The following NFXL1 variants were observed in gnomAD, a reference collection of about 807,000 sequenced individuals.
NFXL1 encodes the protein NF-X1-type zinc finger protein NFXL1.
Under a neutral mutation model 123.3 loss-of-function variants are expected in NFXL1, and 66 were observed. The observed-to-expected ratio is 0.54, with a 90% CI of 0.44 to 0.66. The LOEUF (loss-of-function observed/expected upper bound fraction) is 0.66, where lower values mean the gene tolerates loss of function less well. Ranked by LOEUF, NFXL1 falls within the 30% of genes least tolerant of loss-of-function variation. NFXL1 has a pLI of 0.00. For missense variants in NFXL1, 944 were observed against 1,125.6 expected (o/e 0.84, Z 2.31); for synonymous variants, 346 against 360.8 (o/e 0.96, Z 0.46).
chr4:47,848,330 GT>G lies in NFXL1; in HGVS notation c.2568del (p.Glu856AspfsTer2). ...LEEEKRRQQAELEAFENRLKG... is the reference protein window; with the variant it reads ...LEEEKRRQQAXLEAFENRLKG... ...TTCAGTCTGTTTTCAAAAGCTTCTA[GT>G]TCAGCCTAAATAAAAACAGCATCAT... On this transcript the variant is annotated frameshift_variant, in exon 23 of 23. Transcript: ENST00000507489. LOFTEE classifies it high-confidence loss of function. 1 of 1,595,518 alleles carries G rather than the reference GT, an allele frequency of 6.3e-7. No homozygotes were observed. Among genetic ancestry groups the G allele is most frequent in the Non-Finnish European group, 8.5e-7 (1 of 1,170,514 alleles).
At chr4:47,895,605 A>C (rs1477954531) in intron 10 of NFXL1, among the ~76,000 whole-genome samples, 1 of 152,156 alleles carries the variant, frequency 6.6e-6, no homozygotes, top group African/African-American at 2.4e-5. Context: ...CACCTCTCTC[A>C]GCCTTCACAG....
chr4:47,911,557 GA>G (rs1279427854), intron 2 of NFXL1, among the ~76,000 whole-genome samples: 1 of 152,150 alleles, frequency 6.6e-6, no homozygotes, highest in Non-Finnish European at 1.5e-5. Flanking sequence ...CTTAGGTCAA[GA>G]ACTTTTTGCC....
At chr4:47,898,491 G>A (rs903725359) in intron 8 of NFXL1, among the ~76,000 whole-genome samples, 1 of 152,006 alleles carries the variant, frequency 6.6e-6, no homozygotes, top group Non-Finnish European at 1.5e-5. Context: ...AAGAGAAGAA[G>A]GGGACAAGAG....
intron 18 of NFXL1, among the ~76,000 whole-genome samples, chr4:47,874,008 C>G (rs1735592689): frequency 6.6e-6 from 1 of 152,216 alleles, no homozygotes; most frequent in Non-Finnish European, 1.5e-5. Flanking sequence ...TATGAACCAA[C>G]CTATGCTGCC....
chr4:47,871,332 CAG>C, intron 18 of NFXL1, among the ~76,000 whole-genome samples: 2 of 139,126 alleles, frequency 1.4e-5, no homozygotes, highest in East Asian at 4.1e-4. Context: ...GCCTGGGTGA[CAG>C]AGCGAGACTC....
intron 11 of NFXL1, among the ~76,000 whole-genome samples, chr4:47,891,114 C>CTTTTTTTTTTTTTT (rs374093120): frequency 1.1e-4 from 16 of 139,996 alleles, no homozygotes; most frequent in East Asian, 2.0e-4. Flanking sequence ...TTCTTTTTTT[C>CTTTTTTTTTTTTTT]TTTTTTTTTT....
In NFXL1 at chr4:47,885,639, A is replaced by G. The variant is rs747464292; in HGVS notation, c.1683T>C (p.His561=). ...AGCGATGTTTTTCTTGACTTGTATG[A>G]TGACAAGTTGGTGGTCGACTAAATC... ...KEQCSRPPTC[H]HTSQEKHRCH... is the part of the protein sequence containing the mutation. Residue 561 remains histidine (H), a synonymous_variant, in exon 14 of 23, where the codon CAT becomes CAC. Coordinates refer to ENST00000507489, the MANE Select transcript of NFXL1 (RefSeq NM_001278624.2). 2.5e-6 allele frequency: 4 copies of G among 1,613,114 alleles called. No individual in the cohort carries two copies. In the South Asian group the frequency reaches 4.4e-5, roughly 18 times the overall value.
chr4:47,880,795 C>T (rs535553394), intron 15 of NFXL1, among the ~76,000 whole-genome samples: 2 of 99,272 alleles, frequency 2.0e-5, no homozygotes, highest in East Asian at 5.6e-4. Context: ...AACAGTAAAC[C>T]TAATTAATGA....
Position 47,847,625 on chromosome 4 carries a change from CATTT to C in NFXL1, c.*534_*537del, listed in dbSNP as rs949810098. 1.4e-4 allele frequency: 22 copies of C among 152,722 alleles called. No homozygotes were observed. Among genetic ancestry groups the C allele is most frequent in the African/African-American group, 4.8e-4 (20 of 41,570 alleles). The allele number at this position is 152,722 out of a possible 1,614,324, so 9.5% of individuals were successfully genotyped here. On this transcript the variant is annotated 3_prime_UTR_variant, in exon 23 of 23. Transcript: ENST00000507489. ...ATATTCTGAAGAACACGCCCCATGA[CATTT>C]ATTGATAAAAATTCCTCACTAATAA...
chr4:47,863,108 C>A (rs1734855812), intron 18 of NFXL1, among the ~76,000 whole-genome samples, 193 bp from the exon 19 acceptor site: 1 of 152,182 alleles, frequency 6.6e-6, no homozygotes, highest in Non-Finnish European at 1.5e-5. Context: ...CCATCCAGCC[C>A]TTTACTACTA....
At chr4:47,850,392 C>G (rs527668064) in intron 22 of NFXL1, among the ~76,000 whole-genome samples, 1 of 152,054 alleles carries the variant, frequency 6.6e-6, no homozygotes, top group African/African-American at 2.4e-5. Flanking sequence ...AAGTTTCAAT[C>G]TCATCATTCA....
chr4:47,884,451 A>T lies in NFXL1; in HGVS notation c.1825-14T>A. On this transcript the variant is annotated splice_polypyrimidine_tract_variant and intron_variant, in intron 14 of 22. Transcript: ENST00000507489. Reference sequence around the variant, plus strand: ...TGTAGGCTGGTGCTACAAATAAAATACATAAGAATTTTAAGTCAGAGGGAT... The same window carrying T: ...TGTAGGCTGGTGCTACAAATAAAATTCATAAGAATTTTAAGTCAGAGGGAT... 6.6e-7 allele frequency: 1 copy of T among 1,519,846 alleles called. No homozygotes were observed. Among genetic ancestry groups the T allele is most frequent in the Non-Finnish European group, 9.0e-7 (1 of 1,105,186 alleles). 94.1% of individuals were successfully genotyped at this position (1,519,846 alleles called of 1,614,324 possible).
intron 8 of NFXL1, 24 bp from the exon 9 acceptor site, chr4:47,898,105 T>C (rs1737193859): frequency 7.1e-7 from 1 of 1,411,738 alleles, no homozygotes; most frequent in Middle Eastern, 1.8e-4. Context: ...CAATAAACAC[T>C]AATGAAGGAT....
intron 11 of NFXL1, 22 bp downstream of exon 11, chr4:47,894,158 T>G (rs971599765): frequency 1.9e-6 from 3 of 1,562,208 alleles, no homozygotes; most frequent in Non-Finnish European, 2.6e-6. Context: ...AAATCAGAGG[T>G]TTCCAAGGTT....
chr4:47,898,918 T>C, intron 7 of NFXL1, 41 bp downstream of exon 7: 1 of 1,612,720 alleles, frequency 6.2e-7, no homozygotes, highest in Non-Finnish European at 8.5e-7. Flanking sequence ...GCTTTGACTT[T>C]TGCTTAAAGT....
chr4:47,885,821 A>G (rs1560595184), intron 13 of NFXL1, 58 bp downstream of exon 13: 1 of 1,562,370 alleles, frequency 6.4e-7, no homozygotes, highest in Non-Finnish European at 8.7e-7. Context: ...TTAAAAGCCA[A>G]TATGAATTTA....
At chr4:47,884,280 A>G in intron 15 of NFXL1, 66 bp downstream of exon 15, 2 of 875,058 alleles carry the variant, frequency 2.3e-6, no homozygotes, top group South Asian at 1.5e-5. Flanking sequence ...GATTGACTTC[A>G]GATACCCTTT....
chr4:47,860,057 T>A (rs1315365746), intron 19 of NFXL1, among the ~76,000 whole-genome samples: 1 of 151,956 alleles, frequency 6.6e-6, no homozygotes, highest in Non-Finnish European at 1.5e-5. Flanking sequence ...ACTCAAAAGA[T>A]CTATTGTACA....
In NFXL1 at chr4:47,855,179, A is replaced by C; in HGVS notation, c.2317-16T>G. 1 of 1,412,724 alleles carries C rather than the reference A, an allele frequency of 7.1e-7. No homozygotes were observed. The highest frequency in any genetic ancestry group is 9.9e-7 in the Non-Finnish European group (1 of 1,009,930). The allele number at this position is 1,412,724 out of a possible 1,614,324, so 87.5% of individuals were successfully genotyped here. On this transcript the variant is annotated splice_polypyrimidine_tract_variant and intron_variant, in intron 19 of 22. Coordinates refer to ENST00000507489, the MANE Select transcript of NFXL1 (RefSeq NM_001278624.2). ...CACAAGGAAGCTAAAATAAAATCAA[A>C]ATAAAGCAATTACATACTTACATCT...
Sources: allele counts gnomAD v4.1 joint callset (sites outside exome capture counted in the v4.1 genomes callset), GRCh38; gene constraint gnomAD v4.1.1; transcripts MANE v1.5; gene names NCBI Gene and HGNC (gene_info 2026-07-23, HGNC 2026-07-21).